LITAF: variants seen among roughly 807,000 people sequenced by gnomAD.
LITAF encodes the protein lipopolysaccharide induced TNF factor.
In LITAF, 9 loss-of-function variants were observed where a neutral mutation model predicts 14.5. The observed-to-expected ratio is 0.62, with a 90% CI of 0.37 to 1.08. The LOEUF (loss-of-function observed/expected upper bound fraction) is 1.08, where lower values mean the gene tolerates loss of function less well. LITAF is among the 50% of genes least tolerant of loss of function. The pLI is 0.01. For synonymous variants in LITAF, 98 were observed against 88.2 expected, an observed-to-expected ratio of 1.11 and a Z score of -0.62; for missense variants, 206 against 213.4, an observed-to-expected ratio of 0.97 and a Z score of 0.22.
upstream of LITAF, among the ~76,000 whole-genome samples, chr16:11,599,542 G>A (rs1455996321): frequency 6.6e-6 from 1 of 152,104 alleles, no homozygotes; most frequent in Non-Finnish European, 1.5e-5. Context: ...TCTGTTTGCT[G>A]TAGCCACAGC....
At chr16:11,602,328 C>G (rs2064932807), upstream of LITAF, among the ~76,000 whole-genome samples, 1 of 152,106 alleles carries the variant, frequency 6.6e-6, no homozygotes, top group Non-Finnish European at 1.5e-5. Flanking sequence ...TGCACTCCAG[C>G]CTGGGTGATA....
upstream of LITAF, among the ~76,000 whole-genome samples, chr16:11,602,909 C>G (rs1300406730): frequency 6.6e-6 from 1 of 152,044 alleles, no homozygotes; most frequent in Non-Finnish European, 1.5e-5. Flanking sequence ...CCAGGAGTCC[C>G]AGACCAGCCT....
intron 1 of LITAF, among the ~76,000 whole-genome samples, chr16:11,595,969 G>A (rs537755424): frequency 3.3e-5 from 5 of 152,108 alleles, no homozygotes; most frequent in African/African-American, 9.6e-5. Flanking sequence ...AGTGCTCCCC[G>A]TGAGATCTGC....
intron 1 of LITAF, among the ~76,000 whole-genome samples, chr16:11,572,424 T>A (rs1178400803): frequency 6.6e-6 from 1 of 152,100 alleles, no homozygotes; most frequent in Non-Finnish European, 1.5e-5. Context: ...ATGATCGGGC[T>A]GAATATCGTC....
chr16:11,560,233 G>GTTGCAGGGAGCTGAGA (rs1555467448), intron 1 of LITAF, among the ~76,000 whole-genome samples: 1 of 152,008 alleles, frequency 6.6e-6, no homozygotes, highest in Non-Finnish European at 1.5e-5. Flanking sequence ...GGAGGTGGAG[G>GTTGCAGGGAGCTGAGA]TTGCAGGGAG....
At chr16:11,592,547 C>A (rs182054233) in intron 1 of LITAF, among the ~76,000 whole-genome samples, 1 of 149,212 alleles carries the variant, frequency 6.7e-6, no homozygotes, top group Admixed American at 6.8e-5. Flanking sequence ...TGCACTCCAA[C>A]CTGGATGACA....
chr16:11,556,782 T>G, intron 1 of LITAF, 47 bp from the exon 2 acceptor site: 25 of 1,475,228 alleles, frequency 1.7e-5, no homozygotes, highest in Non-Finnish European at 2.0e-5. Flanking sequence ...AGTTGATCTC[T>G]CCCTCTCTTT....
At chr16:11,606,517 A>G (rs555880564) in intron 3 of LITAF, among the ~76,000 whole-genome samples, 1 of 152,304 alleles carries the variant, frequency 6.6e-6, no homozygotes, top group East Asian at 1.9e-4. Context: ...ATGATAAGAA[A>G]GTGAAACAGG....
rs1206249282 is a variant in LITAF at position 11,558,843 on chromosome 16, CTTCT to C, written c.-5-2112_-5-2109del. Among the ~76,000 whole-genome samples the C allele has an allele frequency of 1.3e-5, 2 of 152,322 alleles. No individual in the cohort carries two copies. Among genetic ancestry groups the C allele is most frequent in the East Asian group, 1.9e-4 (1 of 5,186 alleles). ...TCCCTTGGAGAACACGTGTTCAAGACTTCTTTCTATCAGAGTGCTGTCCAACAGA... is the reference window on the plus strand; with the variant it reads ...TCCCTTGGAGAACACGTGTTCAAGACTTCTATCAGAGTGCTGTCCAACAGA... On this transcript the variant is annotated intron_variant, in intron 1 of 3. Transcript: ENST00000622633. This position sits in a 1 kb window ranked among gnomAD's most constrained non-coding sequence, Gnocchi z 4.1.
At chr16:11,589,155 A>T (rs1214642301), upstream of LITAF, among the ~76,000 whole-genome samples, 1 of 152,180 alleles carries the variant, frequency 6.6e-6, no homozygotes, top group Admixed American at 6.5e-5. Context: ...TTTCCAACCC[A>T]AGGCTTCCAA....
intron 3 of LITAF, among the ~76,000 whole-genome samples, chr16:11,625,130 T>C (rs930706219): frequency 3.9e-5 from 6 of 152,152 alleles, no homozygotes; most frequent in Non-Finnish European, 7.3e-5. Flanking sequence ...CATGTGGTTC[T>C]GGTTAGAGAT....
chr16:11,639,865 C>T (rs2065157708), upstream of LITAF, among the ~76,000 whole-genome samples: 1 of 152,126 alleles, frequency 6.6e-6, no homozygotes, highest in African/African-American at 2.4e-5. Flanking sequence ...GCCTCTGCCT[C>T]CTAAGCTCAA....
At chr16:11,560,606 T>TA (rs1338757287) in intron 1 of LITAF, among the ~76,000 whole-genome samples, 3 of 148,576 alleles carry the variant, frequency 2.0e-5, no homozygotes. Context: ...ATGTAGCTAC[T>TA]AAAAAATTTT....
chr16:11,587,948 CTCCG>C (rs1212290331), upstream of LITAF, among the ~76,000 whole-genome samples: 1 of 152,146 alleles, frequency 6.6e-6, no homozygotes, highest in Non-Finnish European at 1.5e-5. Context: ...TCTTAGAACC[CTCCG>C]GTGCCCAAAT....
chr16:11,582,934 C>T (rs551786188), intron 1 of LITAF, among the ~76,000 whole-genome samples: 2 of 152,252 alleles, frequency 1.3e-5, no homozygotes, highest in South Asian at 2.1e-4. Context: ...TTCTGCAATA[C>T]GGTTTTTGTT....
upstream of LITAF, chr16:11,587,187 A>C (rs1422075033): frequency 6.6e-5 from 16 of 240,998 alleles, no homozygotes; most frequent in African/African-American, 1.0e-4. Flanking sequence ...TGTCTCCCCC[A>C]CTCTCCTATC....
At chr16:11,574,177 A>G (rs11644991) in intron 1 of LITAF, among the ~76,000 whole-genome samples, 117,286 of 151,466 alleles carry the variant, frequency 0.77, 45,949 homozygotes, top group African/African-American at 0.88. Flanking sequence ...GAGCAGCTAG[A>G]ACTACAGGTG....
At chr16:11,607,667 G>T (rs184311265) in intron 3 of LITAF, among the ~76,000 whole-genome samples, 109 of 152,132 alleles carry the variant, frequency 7.2e-4, no homozygotes, top group Non-Finnish European at 1.3e-3. Flanking sequence ...AAAAGGCAAG[G>T]GTTGTGAATG....
chr16:11,626,363 T>A (rs76097634), intron 3 of LITAF, among the ~76,000 whole-genome samples: 1 of 149,888 alleles, frequency 6.7e-6, no homozygotes. Context: ...AATTTTTTTT[T>A]AAGACAGTCT....
Sources: allele counts gnomAD v4.1 joint callset (sites outside exome capture counted in the v4.1 genomes callset), GRCh38; gene constraint gnomAD v4.1.1; non-coding constraint Gnocchi (gnomAD v3.1); transcripts MANE v1.5; gene names NCBI Gene and HGNC (gene_info 2026-07-23, HGNC 2026-07-21).